The following ERP44 variants were observed in gnomAD, a reference collection of about 807,000 sequenced individuals.
The protein encoded by ERP44 is endoplasmic reticulum protein 44, also known as endoplasmic reticulum resident protein 44.
Under a neutral mutation model 53.4 loss-of-function variants are expected in ERP44, and 25 were observed. That is an observed-to-expected ratio of 0.47 (90% confidence interval 0.34 to 0.65). ERP44 has a LOEUF of 0.65. Ranked by LOEUF, ERP44 falls within the 30% of genes least tolerant of loss-of-function variation. The probability of loss-of-function intolerance (pLI) is 0.01; values close to 1 mark genes in which losing one functional copy is unlikely to be tolerated. For missense variants in ERP44, 338 were observed against 493.2 expected, an observed-to-expected ratio of 0.69 and a Z score of 2.98; for synonymous variants, 145 against 161.2, an observed-to-expected ratio of 0.90 and a Z score of 0.76.
rs570660897 is a variant in ERP44 at position 100,018,984 on chromosome 9, G to A, written c.588-671C>T. 7.2e-5 allele frequency among the ~76,000 whole-genome samples: 11 copies of A among 152,226 alleles called. No homozygotes were observed. In the East Asian group the frequency reaches 1.9e-3, roughly 27 times the overall value. On this transcript the variant is annotated intron_variant, in intron 6 of 11. Coordinates refer to ENST00000262455, the MANE Select transcript of ERP44 (RefSeq NM_015051.3). ...GCTATGGTCTTGGCATTGGATAAAC[G>A]GGAGTGAACAAAACTATCAAAACTC...
At chr9:99,984,911 G>A in intron 11 of ERP44, 56 bp downstream of exon 11, 4 of 1,095,022 alleles carry the variant, frequency 3.7e-6, no homozygotes, top group Non-Finnish European at 5.5e-6. Context: ...CCTCTTTGAG[G>A]CTAACTGAAA....
chr9:100,030,168 C>T (rs1825766483), intron 4 of ERP44, among the ~76,000 whole-genome samples: 1 of 152,170 alleles, frequency 6.6e-6, no homozygotes, highest in Non-Finnish European at 1.5e-5. Context: ...AGTAGCCATT[C>T]TTTTATTCCC....
At chr9:100,085,019 A>G (rs1826465505) in intron 1 of ERP44, among the ~76,000 whole-genome samples, 4 of 152,370 alleles carry the variant, frequency 2.6e-5, no homozygotes, top group South Asian at 4.1e-4. Context: ...ATGAAGAAGA[A>G]AAACAGAACC....
intron 4 of ERP44, among the ~76,000 whole-genome samples, chr9:100,048,199 A>G (rs1022116464): frequency 6.6e-6 from 1 of 152,010 alleles, no homozygotes; most frequent in Non-Finnish European, 1.5e-5. Flanking sequence ...GAGGGATAGC[A>G]TTAGGAGATA....
intron 4 of ERP44, among the ~76,000 whole-genome samples, chr9:100,023,140 A>G (rs980535933): frequency 5.3e-5 from 8 of 152,294 alleles, no homozygotes; most frequent in East Asian, 3.9e-4. Flanking sequence ...CATAATAGAT[A>G]CATATCAACT....
At chr9:100,078,231 G>A (rs1315631812) in intron 1 of ERP44, among the ~76,000 whole-genome samples, 1 of 152,158 alleles carries the variant, frequency 6.6e-6, no homozygotes, top group Admixed American at 6.5e-5. Context: ...GCTGAGGAGG[G>A]CAGATCATCT....
chr9:100,003,073 G>C (rs1451741843), intron 10 of ERP44, among the ~76,000 whole-genome samples: 1 of 151,900 alleles, frequency 6.6e-6, no homozygotes, highest in East Asian at 1.9e-4. Context: ...CAATTCTGTT[G>C]GTGATGCTAT....
chr9:100,042,208 A>G (rs746769691), intron 4 of ERP44, among the ~76,000 whole-genome samples: 7 of 152,242 alleles, frequency 4.6e-5, no homozygotes, highest in Non-Finnish European at 8.8e-5. Context: ...AAACAACTCT[A>G]TACTCAAAAA....
At chr9:100,012,441 T>C (rs969399955) in intron 8 of ERP44, among the ~76,000 whole-genome samples, 2 of 152,160 alleles carry the variant, frequency 1.3e-5, no homozygotes, top group Non-Finnish European at 1.5e-5. Flanking sequence ...CATGTTAAAC[T>C]GGATCCTGGC....
Position 99,980,193 on chromosome 9 carries a change from C to T in ERP44, c.*2419G>A. The T allele has an allele frequency of 7.6e-6, 3 of 396,996 alleles. No homozygotes were observed. The highest frequency in any genetic ancestry group is 8.9e-6 in the Non-Finnish European group (2 of 225,366). The allele number at this position is 396,996 out of a possible 1,614,324, so 24.6% of individuals were successfully genotyped here. A position where few individuals can be genotyped will look rare whatever the true frequency, so the allele number is the denominator to read the frequency against. ...CTCTTTAACCTTTATTTTGTCTTTA[C>T]ATCTATAACACGTTACAGTCATTGT... On this transcript the variant is annotated 3_prime_UTR_variant, in exon 12 of 12. Coordinates refer to ENST00000262455, the MANE Select transcript of ERP44 (RefSeq NM_015051.3).
At chr9:100,061,515 T>C (rs1248694664) in intron 1 of ERP44, among the ~76,000 whole-genome samples, 1 of 137,012 alleles carries the variant, frequency 7.3e-6, no homozygotes, top group East Asian at 2.0e-4. Flanking sequence ...GAAATGTATA[T>C]ATTTATAGAA....
intron 1 of ERP44, among the ~76,000 whole-genome samples, chr9:100,067,759 C>T (rs1826235662): frequency 6.6e-6 from 1 of 151,956 alleles, no homozygotes. Flanking sequence ...CGCCTCTTCC[C>T]GGCCGCCATC....
At chr9:100,068,349 G>C (rs1456092890) in intron 1 of ERP44, among the ~76,000 whole-genome samples, 5 of 119,104 alleles carry the variant, frequency 4.2e-5, no homozygotes, top group Non-Finnish European at 8.7e-5. Context: ...TCAGCCCCCC[G>C]CCCGGCCAGC....
chr9:100,036,990 T>C (rs1825853489), intron 4 of ERP44, among the ~76,000 whole-genome samples: 1 of 151,468 alleles, frequency 6.6e-6, no homozygotes, highest in African/African-American at 2.4e-5. Flanking sequence ...ATTTAACAAC[T>C]ATCTACACAA....
chr9:99,992,083 G>C (rs1013964476), intron 10 of ERP44, among the ~76,000 whole-genome samples: 14 of 152,202 alleles, frequency 9.2e-5, no homozygotes, highest in Non-Finnish European at 1.6e-4. Flanking sequence ...ACTTCTACCA[G>C]AGGTACAAAG....
chr9:100,050,809 G>A (rs1438639909), intron 4 of ERP44, among the ~76,000 whole-genome samples: 1 of 152,150 alleles, frequency 6.6e-6, no homozygotes, highest in Non-Finnish European at 1.5e-5. Context: ...TTCTTCAAAA[G>A]TTATCTGTTT....
intron 4 of ERP44, among the ~76,000 whole-genome samples, chr9:100,024,308 T>C (rs1471928427): frequency 6.9e-6 from 1 of 145,222 alleles, no homozygotes. Context: ...CTCTGTTTGC[T>C]GCTAAGGAGC....
chr9:100,085,164 CTT>C (rs899599949), intron 1 of ERP44, among the ~76,000 whole-genome samples: 1 of 152,128 alleles, frequency 6.6e-6, no homozygotes, highest in Non-Finnish European at 1.5e-5. Flanking sequence ...TCAAGGAAGT[CTT>C]TATAATTTTA....
intron 1 of ERP44, among the ~76,000 whole-genome samples, chr9:100,093,349 A>C (rs992132211): frequency 2.0e-5 from 3 of 152,260 alleles, no homozygotes; most frequent in African/African-American, 7.2e-5. Flanking sequence ...TAAAGGGTTA[A>C]GAACTCTGTG....
Sources: allele counts gnomAD v4.1 joint callset (sites outside exome capture counted in the v4.1 genomes callset), GRCh38; gene constraint gnomAD v4.1.1; transcripts MANE v1.5; gene names NCBI Gene and HGNC (gene_info 2026-07-23, HGNC 2026-07-21).